MYO10: variants seen among roughly 807,000 people sequenced by gnomAD.
MYO10 encodes the protein myosin X.
A neutral mutation model predicts 257.3 loss-of-function variants in MYO10; 133 were observed. The observed-to-expected ratio is 0.52, with a 90% CI of 0.45 to 0.60. The LOEUF is 0.60. MYO10 is among the 20% of genes least tolerant of loss of function. MYO10 has a pLI of 0.00. For synonymous variants in MYO10, 1,104 were observed against 1,028.6 expected, an observed-to-expected ratio of 1.07 and a Z score of -1.40; for missense variants, 2,399 against 2,635.7, an observed-to-expected ratio of 0.91 and a Z score of 1.97.
At chr5:16,736,251 T>C (rs1274322652) in intron 19 of MYO10, among the ~76,000 whole-genome samples, 4 of 152,152 alleles carry the variant, frequency 2.6e-5, no homozygotes, top group Admixed American at 6.5e-5. Context: ...TGTACTGTAG[T>C]TAATTATTTT....
Position 16,924,079 on chromosome 5 carries a change from G to C in MYO10, c.21+11709C>G, listed in dbSNP as rs1052921181. On this transcript the variant is annotated intron_variant, in intron 1 of 40. Transcript: ENST00000513610. ...CACTCCAGCCTAAATGACGGAGTGAGACGCTGTCTCAAAAAACTAAAGTAA... is the reference window on the plus strand; with the variant it reads ...CACTCCAGCCTAAATGACGGAGTGACACGCTGTCTCAAAAAACTAAAGTAA... Among the ~76,000 whole-genome samples, 15 of 152,310 alleles carry C rather than the reference G, an allele frequency of 9.8e-5. No homozygotes were observed. In the South Asian group the frequency reaches 2.5e-3, roughly 25 times the overall value.
chr5:16,692,692 T>C (rs1171973903), intron 27 of MYO10, among the ~76,000 whole-genome samples: 2 of 152,168 alleles, frequency 1.3e-5, no homozygotes, highest in African/African-American at 4.8e-5. Context: ...CACCGAAAGC[T>C]CTGGAATAAG....
At chr5:16,888,198 A>G (rs147140930) in intron 1 of MYO10, among the ~76,000 whole-genome samples, 1 of 152,118 alleles carries the variant, frequency 6.6e-6, no homozygotes, top group East Asian at 1.9e-4. Context: ...CCAATCATAT[A>G]CCAGGCACTA....
chr5:16,778,319 A>G (rs1476219014), intron 9 of MYO10, among the ~76,000 whole-genome samples: 2 of 152,128 alleles, frequency 1.3e-5, no homozygotes, highest in African/African-American at 2.4e-5. Context: ...GCATGCCACA[A>G]TGCAGAGACA....
Position 16,834,246 on chromosome 5 carries a change from T to G in MYO10, c.121-16079A>C, listed in dbSNP as rs115505785. Among the ~76,000 whole-genome samples the G allele has an allele frequency of 1.3e-3, 205 of 152,198 alleles. 1 individual carries two copies. The highest frequency in any genetic ancestry group is 6.8e-3 in the Middle Eastern group (2 of 294). On this transcript the variant is annotated intron_variant, in intron 2 of 40. Transcript: ENST00000513610. ...CAGAAACCTCTCAGGTCACTTACAT[T>G]CTATTGTAACCTCGGTTTTCTTACC...
At chr5:16,907,987 C>CT (rs1292195837) in intron 1 of MYO10, among the ~76,000 whole-genome samples, 2 of 152,240 alleles carry the variant, frequency 1.3e-5, no homozygotes, top group Non-Finnish European at 2.9e-5. Context: ...AATCCCAACA[C>CT]TTTGGGAGGC....
rs1164326513 is a variant in MYO10, at chr5:16,900,824, TCTC to T, written c.22-23120_22-23118del. The stretch of plus-strand genomic sequence containing the variant: ...GTGCCACCTCGGCTCATTGCAACCT[TCTC>T]CTCGTGGGTTCAAACAATTCTCCTG... On this transcript the variant is annotated intron_variant, in intron 1 of 40. Transcript: ENST00000513610. Among the ~76,000 whole-genome samples the T allele has an allele frequency of 2.7e-5, 4 of 150,178 alleles. No homozygotes were observed. The Admixed American group carries it at 2.7e-4, about 10-fold the overall frequency.
chr5:16,683,965 A>G (rs371320682), intron 29 of MYO10, 30 bp from the exon 30 acceptor site: 5 of 1,606,384 alleles, frequency 3.1e-6, no homozygotes, highest in East Asian at 2.2e-5. Context: ...AAACAGAATG[A>G]GAGAAGCACT....
Position 16,766,163 on chromosome 5 carries a change from G to C in MYO10, c.1096C>G (p.Pro366Ala). The change falls in exon 11 of 41, where the codon CCA (proline) becomes GCA (alanine). Residue 366 changes from proline (P) to alanine (A), a missense_variant. By Grantham distance (27) the Pro-to-Ala change is conservative. Transcript: ENST00000513610. ...GTCAAAGCATCTGTGAGCTGTGTTG[G>C]GTCCAGCCCAAGTAACTCCGCAGAT... is the stretch of plus-strand genomic sequence containing the variant. ...GRSAELLGLDPTQLTDALTQR... is the reference protein window; with the variant it reads ...GRSAELLGLDATQLTDALTQR... 6.2e-6 allele frequency: 10 copies of C among 1,613,806 alleles called. No homozygotes were observed. Among genetic ancestry groups the C allele is most frequent in the Non-Finnish European group, 8.5e-6 (10 of 1,179,826 alleles).
intron 33 of MYO10, among the ~76,000 whole-genome samples, chr5:16,679,448 G>T (rs999459778): frequency 3.1e-4 from 47 of 151,820 alleles, no homozygotes; most frequent in Admixed American, 3.1e-3. Context: ...AACATTTTTG[G>T]TCTAAAGTTT....
chr5:16,775,952 G>A (rs1218391485), intron 9 of MYO10, among the ~76,000 whole-genome samples: 1 of 151,946 alleles, frequency 6.6e-6, no homozygotes, highest in Non-Finnish European at 1.5e-5. Context: ...CTGGAGTGCA[G>A]TGACATAATC....
intron 23 of MYO10, 69 bp from the exon 24 acceptor site, chr5:16,702,657 C>G: frequency 6.9e-7 from 1 of 1,445,668 alleles, no homozygotes; most frequent in Admixed American, 2.1e-5. Flanking sequence ...GAGAGATCTA[C>G]GTTTTTAAAA....
At chr5:16,928,806 T>A (rs1166259917) in intron 1 of MYO10, among the ~76,000 whole-genome samples, 1 of 150,550 alleles carries the variant, frequency 6.6e-6, no homozygotes, top group East Asian at 2.1e-4. Flanking sequence ...GATCACACCA[T>A]TGCACTCCAG....
At chr5:16,927,427 C>T (rs1321800359) in intron 1 of MYO10, among the ~76,000 whole-genome samples, 1 of 152,152 alleles carries the variant, frequency 6.6e-6, no homozygotes, top group Non-Finnish European at 1.5e-5. Context: ...CAGGTTCATG[C>T]CATTCTCCTG....
intron 24 of MYO10, among the ~76,000 whole-genome samples, chr5:16,702,304 A>G (rs1446707971): frequency 6.6e-6 from 1 of 152,206 alleles, no homozygotes; most frequent in Non-Finnish European, 1.5e-5. Flanking sequence ...TAGCAAACTA[A>G]CACGCTGGTT....
intron 3 of MYO10, among the ~76,000 whole-genome samples, chr5:16,805,440 C>T (rs930663089): frequency 8.3e-6 from 1 of 120,166 alleles, no homozygotes; most frequent in African/African-American, 3.4e-5. Context: ...GCCCGGGCAA[C>T]ACAGTGAGAC....
In MYO10 at chr5:16,677,433, T is replaced by TTTTTTTTTTTTG. The variant is rs1363770924; in HGVS notation, c.4543-1280_4543-1279insCAAAAAAAAAAA. Among the ~76,000 whole-genome samples, 625 of 145,084 alleles carry TTTTTTTTTTTTG rather than the reference T, an allele frequency of 4.3e-3. 16 individuals are homozygous for TTTTTTTTTTTTG. Among genetic ancestry groups the TTTTTTTTTTTTG allele is most frequent in the African/African-American group, 0.015 (537 of 36,678 alleles). On this transcript the variant is annotated intron_variant, in intron 33 of 40. Transcript: ENST00000513610. ...AACTTGACCTTTTTTTTTTTTTTTTTGAGACGGAGTCTTGCTCTTTCGCCC... is the reference window on the plus strand; with the variant it reads ...AACTTGACCTTTTTTTTTTTTTTTTTTTTTTTTTTTTGGAGACGGAGTCTTGCTCTTTCGCCC...
intron 1 of MYO10, among the ~76,000 whole-genome samples, chr5:16,911,742 C>T (rs1362396344): frequency 6.6e-6 from 1 of 151,956 alleles, no homozygotes. Flanking sequence ...AGACCAACAA[C>T]AACAACAAAA....
At chr5:16,760,795 G>A (rs889616508) in intron 17 of MYO10, among the ~76,000 whole-genome samples, 6 of 151,942 alleles carry the variant, frequency 3.9e-5, no homozygotes, top group African/African-American at 1.2e-4. Flanking sequence ...AACTGGACTC[G>A]ATGGCTCACT....
Sources: allele counts gnomAD v4.1 joint callset (sites outside exome capture counted in the v4.1 genomes callset), GRCh38; gene constraint gnomAD v4.1.1; transcripts MANE v1.5; gene names NCBI Gene and HGNC (gene_info 2026-07-23, HGNC 2026-07-21).